Variants in GSN observed in about 807,000 individuals in gnomAD.
GSN encodes actin-depolymerizing factor.
Under a neutral mutation model 85.7 loss-of-function variants are expected in GSN, and 56 were observed. The ratio of observed to expected loss-of-function variants is 0.65; its 90% CI spans 0.53 to 0.82. The LOEUF is 0.82. Among genes scored for constraint, GSN ranks in the 40% least tolerant of loss-of-function variants. The pLI, the probability that GSN is intolerant of heterozygous loss-of-function variation, is 0.00. For missense variants in GSN, 857 were observed against 979.8 expected (o/e 0.87, Z 1.67); for synonymous variants, 373 against 399.1 (o/e 0.93, Z 0.78).
upstream of GSN, among the ~76,000 whole-genome samples, chr9:121,203,849 T>C (rs2053842265): frequency 6.6e-6 from 1 of 152,254 alleles, no homozygotes; most frequent in Non-Finnish European, 1.5e-5. Context: ...GAAATGGAAA[T>C]GATTATTACA....
rs775670835 is a variant in GSN, at chr9:121,318,685, C to T, written c.996C>T (p.Gly332=). 6.2e-6 allele frequency: 10 copies of T among 1,612,428 alleles called. 1 individual carries two copies. The highest frequency in any genetic ancestry group is 4.4e-5 in the South Asian group (4 of 91,062). The part of the protein sequence containing the change: ...KQTQVSVLPE[G]GETPLFKQFF... ...CCCAGGTCTCGGTCCTTCCTGAGGGCGGTGAGACCCCACTGTTCAAGCAGT... is the reference window on the plus strand; with the variant it reads ...CCCAGGTCTCGGTCCTTCCTGAGGGTGGTGAGACCCCACTGTTCAAGCAGT... The change falls in exon 10 of 18, where the codon GGC becomes GGT. Residue 332 remains glycine, a synonymous_variant. Transcript: ENST00000432226. This position sits in a 1 kb window ranked among gnomAD's most constrained non-coding sequence, Gnocchi z 4.3.
chr9:121,322,325 C>T (rs2062581226), intron 11 of GSN, among the ~76,000 whole-genome samples: 1 of 152,204 alleles, frequency 6.6e-6, no homozygotes, highest in African/African-American at 2.4e-5. Flanking sequence ...TTTCTGACTC[C>T]ATTCTTCCTA....
chr9:121,249,088 A>T (rs2054760937), intron 6 of GSN, among the ~76,000 whole-genome samples: 1 of 152,162 alleles, frequency 6.6e-6, no homozygotes, highest in Non-Finnish European at 1.5e-5. Flanking sequence ...GATGGTGAGG[A>T]GGGGCTTATT....
chr9:121,217,361 G>A (rs371868583), intron 4 of GSN, among the ~76,000 whole-genome samples: 3,294 of 131,244 alleles, frequency 0.025, 111 homozygotes, highest in African/African-American at 0.078. Context: ...GCAAAACTCC[G>A]TCTCAAAAAA....
chr9:121,215,996 CTTAT>C (rs972526174), intron 4 of GSN, among the ~76,000 whole-genome samples: 2 of 151,940 alleles, frequency 1.3e-5, no homozygotes, highest in Admixed American at 6.6e-5. Flanking sequence ...CATCACTTTT[CTTAT>C]TTATTTATTT....
chr9:121,263,837 C>T (rs570793738), upstream of GSN, among the ~76,000 whole-genome samples: 131 of 145,218 alleles, frequency 9.0e-4, no homozygotes, highest in African/African-American at 3.2e-3. Flanking sequence ...TGCGGTGAAC[C>T]GAGATTGCGC....
At chr9:121,296,265 G>T (rs1042393655) in intron 2 of GSN, among the ~76,000 whole-genome samples, 7 of 152,144 alleles carry the variant, frequency 4.6e-5, no homozygotes, top group African/African-American at 1.7e-4. Context: ...TTTGAATCTT[G>T]GCAACACCTC....
chr9:121,302,031 G>A lies in GSN; in HGVS notation c.60G>A (p.Trp20Ter). 1 of 1,614,248 alleles carries A rather than the reference G, an allele frequency of 6.2e-7. No homozygotes were observed. The highest frequency in any genetic ancestry group is 8.5e-7 in the Non-Finnish European group (1 of 1,180,032). The change falls in exon 3 of 18, where the codon TGG becomes TGA. Residue 20 changes from tryptophan to a stop codon, truncating the protein, a stop_gained. Coordinates refer to ENST00000432226, the MANE Select transcript of GSN (RefSeq NM_198252.3). LOFTEE classifies it high-confidence loss of function. ...GGAAGGAGCCTGGCCTGCAGATCTG[G>A]CGTGTGGAGAAGTTCGATCTGGTGC... ...KAGKEPGLQI[W>*]RVEKFDLVPV...
At chr9:121,295,342 A>G (rs574284574) in intron 2 of GSN, among the ~76,000 whole-genome samples, 12 of 152,282 alleles carry the variant, frequency 7.9e-5, no homozygotes, top group Admixed American at 7.2e-4. Flanking sequence ...TTTACTGACC[A>G]TTGTCCCAAT....
At chr9:121,231,008 G>A (rs1019603493) in intron 4 of GSN, among the ~76,000 whole-genome samples, 3 of 152,148 alleles carry the variant, frequency 2.0e-5, no homozygotes, top group African/African-American at 4.8e-5. Flanking sequence ...CACCTACTAC[G>A]TGCAGGGTAA....
intron 2 of GSN, among the ~76,000 whole-genome samples, chr9:121,288,007 G>C (rs1251893143): frequency 6.6e-6 from 1 of 152,054 alleles, no homozygotes; most frequent in Non-Finnish European, 1.5e-5. Context: ...GCTCACTGCA[G>C]CCTCAACTTC....
intron 8 of GSN, 64 bp downstream of exon 8, chr9:121,317,282 T>A: frequency 6.4e-7 from 1 of 1,556,000 alleles, no homozygotes; most frequent in Non-Finnish European, 8.9e-7. Flanking sequence ...GTTCTGCAGC[T>A]CCCAGGAACT....
chr9:121,282,383 T>A (rs1254771522), intron 2 of GSN: 1 of 780,412 alleles, frequency 1.3e-6, no homozygotes, highest in Non-Finnish European at 1.9e-6. Context: ...TGAGCAATTG[T>A]GCAAGAACCC....
At chr9:121,242,334 G>A (rs1176161039) in intron 5 of GSN, among the ~76,000 whole-genome samples, 3 of 152,240 alleles carry the variant, frequency 2.0e-5, no homozygotes, top group South Asian at 4.1e-4. Flanking sequence ...CCCTTAATAC[G>A]GCTTGAATCA....
intron 6 of GSN, among the ~76,000 whole-genome samples, chr9:121,262,943 C>A (rs1206929261): frequency 6.6e-6 from 1 of 152,222 alleles, no homozygotes; most frequent in Non-Finnish European, 1.5e-5. Flanking sequence ...TAAAAACGTG[C>A]TAAACATCTG....
At chr9:121,263,934 C>G (rs1203395569), upstream of GSN, among the ~76,000 whole-genome samples, 1 of 149,706 alleles carries the variant, frequency 6.7e-6, no homozygotes, top group Non-Finnish European at 1.5e-5. Context: ...AACTCACCAT[C>G]ATGAGAACGG....
In GSN at chr9:121,299,373, G is replaced by C; in HGVS notation, c.-9-2590G>C. 2.1e-6 allele frequency: 2 copies of C among 974,430 alleles called. No homozygotes were observed. The highest frequency in any genetic ancestry group is 2.4e-6 in the Non-Finnish European group (2 of 819,868). 60.4% of individuals were successfully genotyped at this position (974,430 alleles called of 1,614,324 possible). A position where few individuals can be genotyped will look rare whatever the true frequency, so the allele number is the denominator to read the frequency against. The stretch of plus-strand genomic sequence containing the variant: ...CAAATCCCGGCAGCACCATTTACAA[G>C]CTGTGTGCAAGTTGCTTCACCACTC... On this transcript the variant is annotated intron_variant, in intron 2 of 17. Transcript: ENST00000432226. This position sits in a 1 kb window ranked among gnomAD's most constrained non-coding sequence, Gnocchi z 4.2.
chr9:121,242,641 C>T (rs1215245481), intron 5 of GSN, among the ~76,000 whole-genome samples: 1 of 152,086 alleles, frequency 6.6e-6, no homozygotes, highest in Non-Finnish European at 1.5e-5. Context: ...GTTGCCAAAC[C>T]AAAGCTATGC....
At chr9:121,331,991 G>A (rs557571463) in intron 17 of GSN, 29 of 230,224 alleles carry the variant, frequency 1.3e-4, no homozygotes, top group Non-Finnish European at 2.2e-4. Flanking sequence ...AGGAGTTCAC[G>A]GCTGCTGTGA....
Sources: allele counts gnomAD v4.1 joint callset (sites outside exome capture counted in the v4.1 genomes callset), GRCh38; gene constraint gnomAD v4.1.1; non-coding constraint Gnocchi (gnomAD v3.1); transcripts MANE v1.5; gene names NCBI Gene and HGNC (gene_info 2026-07-23, HGNC 2026-07-21).